Variants in SLMAP observed in about 807,000 individuals in gnomAD.
SLMAP encodes sarcolemma associated protein.
Under a neutral mutation model 128.8 loss-of-function variants are expected in SLMAP, and 44 were observed. That is an observed-to-expected ratio of 0.34 (90% confidence interval 0.27 to 0.44). The LOEUF is 0.44. Among genes scored for constraint, SLMAP ranks in the 20% least tolerant of loss-of-function variants. SLMAP has a pLI of 1.00. For missense variants in SLMAP, 787 were observed against 985.3 expected, an observed-to-expected ratio of 0.80 and a Z score of 2.69; for synonymous variants, 327 against 348.8, an observed-to-expected ratio of 0.94 and a Z score of 0.70.
In SLMAP at chr3:57,804,425, G is replaced by A. The variant is rs146781406; in HGVS notation, c.199-26958G>A. Among the ~76,000 whole-genome samples, 76 of 152,254 alleles carry A rather than the reference G, an allele frequency of 5.0e-4. No individual in the cohort carries two copies. In the East Asian group the frequency reaches 7.9e-3, roughly 16 times the overall value. The stretch of plus-strand genomic sequence containing the variant: ...ATAAAAATTTTCTATTTGTTTTATC[G>A]TGCTTGACAATAAGTTTTGACTTAT... On this transcript the variant is annotated intron_variant, in intron 2 of 24. Coordinates refer to ENST00000671191, the MANE Select transcript of SLMAP (RefSeq NM_001377540.1).
chr3:57,864,440 T>C (rs2095234980), intron 10 of SLMAP, 108 bp from the exon 11 acceptor site: 4 of 679,886 alleles, frequency 5.9e-6, no homozygotes, highest in African/African-American at 3.8e-5. Flanking sequence ...ATTTCTTTTC[T>C]ACAGAACAAA....
chr3:57,834,998 T>G (rs2093557749), intron 3 of SLMAP, among the ~76,000 whole-genome samples: 1 of 151,558 alleles, frequency 6.6e-6, no homozygotes, highest in Admixed American at 6.6e-5. Flanking sequence ...GGCGCACGCC[T>G]GTAGTCCCAG....
chr3:57,846,180 T>G (rs1214425745), intron 4 of SLMAP, among the ~76,000 whole-genome samples: 2 of 152,178 alleles, frequency 1.3e-5, no homozygotes, highest in Admixed American at 1.3e-4. Context: ...GAGACCTATA[T>G]TGATTAGGCA....
rs139928810 is a variant in SLMAP at position 57,788,298 on chromosome 3, A to G, written c.198+30449A>G. Among the ~76,000 whole-genome samples the G allele has an allele frequency of 2.0e-3, 305 of 149,872 alleles. 2 individuals are homozygous for G. The highest frequency in any genetic ancestry group is 7.3e-3 in the African/African-American group (287 of 39,230). ...TGGTGAGGAGTTTGATAAGATTTTA[A>G]GTAATAGAATCACATGCTTAAATCT... On this transcript the variant is annotated intron_variant, in intron 2 of 24. Coordinates refer to ENST00000671191, the MANE Select transcript of SLMAP (RefSeq NM_001377540.1).
chr3:57,795,892 T>G lies in SLMAP; in HGVS notation c.199-35491T>G, dbSNP rs539931367. On this transcript the variant is annotated intron_variant, in intron 2 of 24. Coordinates refer to ENST00000671191, the MANE Select transcript of SLMAP (RefSeq NM_001377540.1). ...TTTCTGTCTCTAGGACTTTGCCTAT[T>G]CTAGGTGCTTCAAATAAGTGGAATC... 6.5e-4 allele frequency among the ~76,000 whole-genome samples: 99 copies of G among 152,314 alleles called. 1 individual carries two copies. Among genetic ancestry groups the G allele is most frequent in the Non-Finnish European group, 5.0e-4 (34 of 68,016 alleles).
At chr3:57,772,718 G>A (rs2081122014) in intron 2 of SLMAP, among the ~76,000 whole-genome samples, 1 of 151,726 alleles carries the variant, frequency 6.6e-6, no homozygotes, top group Middle Eastern at 3.4e-3. Flanking sequence ...TCGGCTCACC[G>A]CAACCTTTGC....
chr3:57,813,911 G>A (rs571148589), intron 2 of SLMAP, among the ~76,000 whole-genome samples: 49 of 150,720 alleles, frequency 3.3e-4, no homozygotes, highest in African/African-American at 1.1e-3. Context: ...TGAGCTTTTA[G>A]GCTTGAGAGT....
At chr3:57,848,505 TTC>T (rs1324095037) in intron 5 of SLMAP, among the ~76,000 whole-genome samples, 1 of 150,516 alleles carries the variant, frequency 6.6e-6, no homozygotes, top group Non-Finnish European at 1.5e-5. Flanking sequence ...TACTTCCTTC[TTC>T]TTTCTTCTTC....
chr3:57,817,541 C>A (rs2092003791), intron 2 of SLMAP, among the ~76,000 whole-genome samples: 1 of 152,158 alleles, frequency 6.6e-6, no homozygotes, highest in Admixed American at 6.5e-5. Context: ...ATTGGGAATA[C>A]CCCAATCTTC....
intron 15 of SLMAP, 127 bp downstream of exon 15, chr3:57,890,227 T>C: frequency 1.3e-6 from 1 of 744,618 alleles, no homozygotes; most frequent in Non-Finnish European, 2.2e-6. Context: ...AGCAAGCCAG[T>C]AACAGTATCA....
rs1406105078 is a variant in SLMAP at position 57,860,972 on chromosome 3, A to G, written c.828+133A>G. On this transcript the variant is annotated intron_variant, in intron 9 of 24. Transcript: ENST00000671191. ...CTTTCTGTCTGTCAGGTGGGAAGGAACAGTTACGCTGCTTTCATTGACAGC... is the reference window on the plus strand; with the variant it reads ...CTTTCTGTCTGTCAGGTGGGAAGGAGCAGTTACGCTGCTTTCATTGACAGC... 4.8e-5 allele frequency: 34 copies of G among 710,922 alleles called. No homozygotes were observed. The East Asian group carries it at 1.0e-3, about 22-fold the overall frequency. The allele number at this position is 710,922 out of a possible 1,614,324, so 44.0% of individuals were successfully genotyped here.
chr3:57,787,225 A>G (rs570501283), intron 2 of SLMAP, among the ~76,000 whole-genome samples: 1 of 152,314 alleles, frequency 6.6e-6, no homozygotes, highest in South Asian at 2.1e-4. Context: ...GGAGGACTAT[A>G]TCATTGACAC....
intron 14 of SLMAP, among the ~76,000 whole-genome samples, chr3:57,889,701 A>C (rs1195439490): frequency 6.6e-6 from 1 of 152,186 alleles, no homozygotes; most frequent in Non-Finnish European, 1.5e-5. Context: ...TTGAATAAAT[A>C]CCTTTTCATA....
intron 2 of SLMAP, among the ~76,000 whole-genome samples, chr3:57,814,449 AT>A (rs1304491265): frequency 6.6e-6 from 1 of 152,110 alleles, no homozygotes; most frequent in Non-Finnish European, 1.5e-5. Context: ...TCCTCTGAGC[AT>A]TATTCTGTGG....
At chr3:57,907,798 C>A in intron 17 of SLMAP, 86 bp from the exon 18 acceptor site, 2 of 1,309,284 alleles carry the variant, frequency 1.5e-6, no homozygotes, top group Non-Finnish European at 1.0e-6. Flanking sequence ...TATGCATGTG[C>A]AAACATGAGA....
chr3:57,818,440 C>G (rs770432523), intron 2 of SLMAP, among the ~76,000 whole-genome samples: 26 of 152,230 alleles, frequency 1.7e-4, no homozygotes, highest in Non-Finnish European at 3.5e-4. Flanking sequence ...CAGGCGTGAG[C>G]CACTGCGCCT....
intron 5 of SLMAP, 48 bp downstream of exon 5, chr3:57,847,281 T>A (rs1480376915): frequency 1.5e-6 from 2 of 1,370,992 alleles, no homozygotes; most frequent in Non-Finnish European, 2.1e-6. Context: ...GCTATGTTGC[T>A]TTGAAAATGT....
intron 15 of SLMAP, 199 bp from the exon 16 acceptor site, chr3:57,896,312 A>T (rs950940038): frequency 1.5e-6 from 2 of 1,300,640 alleles, no homozygotes; most frequent in African/African-American, 1.5e-5. Flanking sequence ...TCCACATTAT[A>T]ATTTAATATG....
chr3:57,856,817 C>T (rs1480883125), intron 6 of SLMAP, among the ~76,000 whole-genome samples: 1 of 152,104 alleles, frequency 6.6e-6, no homozygotes, highest in African/African-American at 2.4e-5. Flanking sequence ...ACTGGCAGCA[C>T]AGTAGGTTTG....
Sources: gnomAD v4.1 joint callset for allele counts (sites outside exome capture counted in the v4.1 genomes callset) on GRCh38, gnomAD v4.1.1 for gene constraint, MANE v1.5 for transcripts, NCBI Gene and HGNC (gene_info 2026-07-23, HGNC 2026-07-21) for gene names.